Variants in MAP6 observed in about 807,000 individuals in gnomAD.
The protein encoded by MAP6 is microtubule-associated protein 6.
In MAP6, 26 loss-of-function variants were observed where a neutral mutation model predicts 42.4. The ratio of observed to expected loss-of-function variants is 0.61; its 90% CI spans 0.45 to 0.85. MAP6 has a LOEUF of 0.85. Ranked by LOEUF, MAP6 falls within the 40% of genes least tolerant of loss-of-function variation. The probability of loss-of-function intolerance (pLI) is 0.00; values close to 1 mark genes in which losing one functional copy is unlikely to be tolerated. For missense variants in MAP6, 966 were observed against 1,099.0 expected (o/e 0.88, Z 1.71); for synonymous variants, 418 against 443.8 (o/e 0.94, Z 0.73).
Position 75,603,315 on chromosome 11 carries a change from G to T in MAP6, c.1316+2493C>A, listed in dbSNP as rs190601760. The T allele has an allele frequency of 4.1e-6, 4 of 985,802 alleles. No homozygotes were observed. The Admixed American group carries it at 2.5e-4, about 61-fold the overall frequency. The allele number at this position is 985,802 out of a possible 1,614,324, so 61.1% of individuals were successfully genotyped here. A position where few individuals can be genotyped will look rare whatever the true frequency, so the allele number is the denominator to read the frequency against. ...GCTTTGGAAGCTTGGTCACCTTCAG[G>T]AAGGCAACACCCAAACACTGCTTGT... On this transcript the variant is annotated intron_variant, in intron 3 of 3. Coordinates refer to ENST00000304771, the MANE Select transcript of MAP6 (RefSeq NM_033063.2).
chr11:75,612,888 C>T (rs1161271939), intron 1 of MAP6, among the ~76,000 whole-genome samples: 3 of 152,160 alleles, frequency 2.0e-5, no homozygotes, highest in African/African-American at 7.2e-5. Flanking sequence ...ACTTTACTGG[C>T]CATCTTTGTG....
intron 1 of MAP6, among the ~76,000 whole-genome samples, chr11:75,620,514 G>T (rs116659949): frequency 0.016 from 2,395 of 149,418 alleles, 53 homozygotes; most frequent in African/African-American, 0.056. Flanking sequence ...AAAGAAAAAA[G>T]AAAATAGAAG....
At chr11:75,661,021 C>T (rs1039718926) in intron 1 of MAP6, among the ~76,000 whole-genome samples, 1 of 149,330 alleles carries the variant, frequency 6.7e-6, no homozygotes, top group African/African-American at 2.5e-5. Flanking sequence ...AAAAAGGAGA[C>T]ATAACTACAG....
chr11:75,638,159 C>CTCTGCTGAGA (rs937856602), intron 1 of MAP6, among the ~76,000 whole-genome samples: 5 of 152,182 alleles, frequency 3.3e-5, no homozygotes, highest in African/African-American at 1.2e-4. Context: ...CTGCCCAGTG[C>CTCTGCTGAGA]TCTCCTCACA....
chr11:75,645,272 G>T (rs1943537288), intron 1 of MAP6, among the ~76,000 whole-genome samples: 1 of 151,972 alleles, frequency 6.6e-6, no homozygotes, highest in Non-Finnish European at 1.5e-5. Flanking sequence ...GGGCCACAAA[G>T]GTTGCCCCAC....
chr11:75,646,773 G>A lies in MAP6; in HGVS notation c.905+20692C>T, dbSNP rs550977151. Among the ~76,000 whole-genome samples, 51 of 152,054 alleles carry A rather than the reference G, an allele frequency of 3.4e-4. No homozygotes were observed. The South Asian group carries it at 6.9e-3, about 20-fold the overall frequency. ...CGAGATGGCACCACTGCACTCCAGC[G>A]TGCGCAACAAGAGCAAAACTCCATC... On this transcript the variant is annotated intron_variant, in intron 1 of 3. Coordinates refer to ENST00000304771, the MANE Select transcript of MAP6 (RefSeq NM_033063.2).
At chr11:75,648,018 T>C (rs1943590400) in intron 1 of MAP6, among the ~76,000 whole-genome samples, 1 of 152,168 alleles carries the variant, frequency 6.6e-6, no homozygotes, top group Non-Finnish European at 1.5e-5. Context: ...GGGAACTTGC[T>C]ATATAATAGT....
intron 1 of MAP6, among the ~76,000 whole-genome samples, chr11:75,615,041 G>A (rs529576185): frequency 1.3e-5 from 2 of 152,296 alleles, no homozygotes; most frequent in South Asian, 2.1e-4. Context: ...TTGGATCCAG[G>A]TCATAAGCAG....
chr11:75,650,682 A>G (rs1307450837), intron 1 of MAP6, among the ~76,000 whole-genome samples: 1 of 152,174 alleles, frequency 6.6e-6, no homozygotes, highest in Non-Finnish European at 1.5e-5. Context: ...CCTATATCCT[A>G]TGGCATGTAT....
At chr11:75,650,507 TCTTGTTCATGGC>T (rs1279360547) in intron 1 of MAP6, among the ~76,000 whole-genome samples, 28 of 152,220 alleles carry the variant, frequency 1.8e-4, no homozygotes, top group Non-Finnish European at 1.5e-5. Context: ...ATGAATTTTG[TCTTGTTCATGGC>T]TGTAATCCAA....
chr11:75,592,964 C>T (rs555634737), intron 3 of MAP6, among the ~76,000 whole-genome samples: 2 of 152,262 alleles, frequency 1.3e-5, no homozygotes, highest in South Asian at 4.1e-4. Context: ...TTCTCTTGTT[C>T]CCTCTTCACC....
chr11:75,599,800 T>C (rs896245536), intron 3 of MAP6, among the ~76,000 whole-genome samples: 3 of 152,222 alleles, frequency 2.0e-5, no homozygotes, highest in African/African-American at 7.2e-5. Context: ...GCTGGAAGCC[T>C]GGATTCCAGT....
rs375115786 is a variant in MAP6 at position 75,588,147 on chromosome 11, G to A, written c.1354C>T (p.Gln452Ter). 3.1e-6 allele frequency: 5 copies of A among 1,613,588 alleles called. No homozygotes were observed. The highest frequency in any genetic ancestry group is 4.2e-6 in the Non-Finnish European group (5 of 1,179,902). The change falls in exon 4 of 4, where the codon CAA becomes TAA. Residue 452 changes from glutamine to a stop codon, truncating the protein, a stop_gained. Coordinates refer to ENST00000304771, the MANE Select transcript of MAP6 (RefSeq NM_033063.2). LOFTEE classifies it low-confidence loss of function (END_TRUNC). Reference sequence around the variant, plus strand: ...TCTGGCTCTGTGGCTACAGGACCTTGAGTCTTACTTGAATCACTGACGGGT... The same window carrying A: ...TCTGGCTCTGTGGCTACAGGACCTTAAGTCTTACTTGAATCACTGACGGGT... ...AQPVSDSSKTQGPVATEPDKD... is the reference protein window; with the variant it reads ...AQPVSDSSKT
intron 1 of MAP6, among the ~76,000 whole-genome samples, chr11:75,624,866 A>G (rs1943170301): frequency 6.6e-6 from 1 of 152,158 alleles, no homozygotes; most frequent in Non-Finnish European, 1.5e-5. Flanking sequence ...CTCAGCCTAC[A>G]TAGTAAGCAT....
chr11:75,603,604 G>A, intron 3 of MAP6: 1 of 345,662 alleles, frequency 2.9e-6, no homozygotes, highest in Non-Finnish European at 3.8e-6. Flanking sequence ...GTGGGGGCGG[G>A]GGGTGGGGAA....
chr11:75,632,569 A>C (rs1943301063), intron 1 of MAP6, among the ~76,000 whole-genome samples: 1 of 152,186 alleles, frequency 6.6e-6, no homozygotes, highest in Admixed American at 6.5e-5. Flanking sequence ...GCGTGATTCT[A>C]TAATCTACTG....
chr11:75,591,574 C>T (rs1942477606), intron 3 of MAP6, among the ~76,000 whole-genome samples: 1 of 152,264 alleles, frequency 6.6e-6, no homozygotes, highest in African/African-American at 2.4e-5. Context: ...AGGCTGCATT[C>T]AGCCCACTCA....
chr11:75,600,960 G>A, intron 3 of MAP6, among the ~76,000 whole-genome samples: 1 of 152,202 alleles, frequency 6.6e-6, no homozygotes, highest in East Asian at 1.9e-4. Flanking sequence ...TGAAAATAGG[G>A]GGCTGGTTTG....
intron 1 of MAP6, among the ~76,000 whole-genome samples, chr11:75,615,277 A>ACTT: frequency 6.6e-6 from 1 of 152,134 alleles, no homozygotes; most frequent in Admixed American, 6.5e-5. Flanking sequence ...ACACTGGTGA[A>ACTT]CTCATTTGTA....
Sources: allele counts gnomAD v4.1 joint callset (sites outside exome capture counted in the v4.1 genomes callset), GRCh38; gene constraint gnomAD v4.1.1; transcripts MANE v1.5; gene names NCBI Gene and HGNC (gene_info 2026-07-23, HGNC 2026-07-21).